Variants in DTHD1 observed in about 807,000 individuals in gnomAD.
DTHD1 encodes death domain containing 1.
A neutral mutation model predicts 74.8 loss-of-function variants in DTHD1; 59 were observed. The observed-to-expected ratio is 0.79, with a 90% CI of 0.64 to 0.98. The LOEUF (loss-of-function observed/expected upper bound fraction) is 0.98. Ranked by LOEUF, DTHD1 falls within the 50% of genes least tolerant of loss-of-function variation. The pLI is 0.00. For missense variants in DTHD1, 1,051 were observed against 1,065.4 expected (o/e 0.99, Z 0.19); for synonymous variants, 365 against 371.1 (o/e 0.98, Z 0.19).
At chr4:36,305,641 A>G (rs1444151432) in intron 5 of DTHD1, among the ~76,000 whole-genome samples, 1 of 152,174 alleles carries the variant, frequency 6.6e-6, no homozygotes, top group Non-Finnish European at 1.5e-5. Context: ...AAACAGACAG[A>G]AAGAAATCAA....
chr4:36,334,399 C>T (rs1277413193), intron 8 of DTHD1, among the ~76,000 whole-genome samples: 2 of 148,504 alleles, frequency 1.3e-5, no homozygotes, highest in Non-Finnish European at 3.0e-5. Context: ...CACTCTGTCA[C>T]CCAGGCTGGA....
At chr4:36,306,420 A>G in intron 6 of DTHD1, 68 bp downstream of exon 6, 1 of 1,393,980 alleles carries the variant, frequency 7.2e-7, no homozygotes, top group Non-Finnish European at 9.5e-7. Flanking sequence ...TGTTTATAGA[A>G]ATGGAATAGT....
At chr4:36,310,364 A>G (rs536466974) in intron 7 of DTHD1, among the ~76,000 whole-genome samples, 1 of 152,236 alleles carries the variant, frequency 6.6e-6, no homozygotes, top group Non-Finnish European at 1.5e-5. Flanking sequence ...GTGGGAATAG[A>G]GAGGAAACGT....
intron 2 of DTHD1, 52 bp downstream of exon 2, chr4:36,284,643 T>G (rs1755598799): frequency 3.8e-6 from 5 of 1,319,334 alleles, no homozygotes; most frequent in Non-Finnish European, 4.0e-6. Context: ...TATATGTGTG[T>G]TTCTATAGTT....
intron 8 of DTHD1, among the ~76,000 whole-genome samples, chr4:36,318,138 C>A (rs1301670850): frequency 6.6e-6 from 1 of 152,168 alleles, no homozygotes; most frequent in African/African-American, 2.4e-5. Flanking sequence ...AAATTTTAGG[C>A]AATTTGCCCA....
chr4:36,321,630 A>G (rs912330442), intron 8 of DTHD1, among the ~76,000 whole-genome samples: 1 of 152,198 alleles, frequency 6.6e-6, no homozygotes, highest in Non-Finnish European at 1.5e-5. Flanking sequence ...TAAAGAGCAC[A>G]ATAAATTTAA....
rs1200664167 is a variant in DTHD1, at chr4:36,343,803, T to A, written c.2700T>A (p.Cys900Ter). 1 of 1,549,166 alleles carries A rather than the reference T, an allele frequency of 6.5e-7. No individual in the cohort carries two copies. The change falls in exon 10 of 10, where the codon TGT (cysteine) becomes TGA (stop). Residue 900 changes from cysteine (C) to a stop codon, truncating the protein, a stop_gained. Transcript: ENST00000639862. LOFTEE classifies it low-confidence loss of function (END_TRUNC). ...ENKVFTEPQQ[C>*]FDVAPE ...AAGTGTTCACTGAACCACAGCAGTG[T>A]TTTGATGTAGCCCCTGAGTAAAAGC...
chr4:36,340,977 G>A (rs1404456908), intron 9 of DTHD1, among the ~76,000 whole-genome samples: 1 of 152,070 alleles, frequency 6.6e-6, no homozygotes, highest in African/African-American at 2.4e-5. Context: ...AAGGAGAGGA[G>A]TAAAATGCTC....
intron 8 of DTHD1, among the ~76,000 whole-genome samples, chr4:36,319,387 T>A (rs1249138959): frequency 2.0e-5 from 3 of 152,224 alleles, no homozygotes; most frequent in African/African-American, 7.2e-5. Flanking sequence ...TTCCGTAGTT[T>A]AGAGCCTGAT....
Position 36,308,364 on chromosome 4 carries a change from G to A in DTHD1, c.1966G>A (p.Asp656Asn), listed in dbSNP as rs868814877. ...RIAVLVVPSK[D>N]LSQVLKDLHL... ...AGCTGTTTTAGTGGTGCCTTCCAAA[G>A]ATTTAAGCCAGGTGCTTAAGGACCT... The change falls in exon 7 of 10, where the codon GAT becomes AAT. Residue 656 changes from aspartate to asparagine, a missense_variant. By Grantham distance (23) the Asp-to-Asn change is conservative. Transcript: ENST00000639862. The A allele has an allele frequency of 6.4e-7, 1 of 1,551,802 alleles. No homozygotes were observed. Among genetic ancestry groups the A allele is most frequent in the Non-Finnish European group, 8.7e-7 (1 of 1,147,022 alleles).
chr4:36,302,979 T>C (rs1578452339), intron 5 of DTHD1, among the ~76,000 whole-genome samples: 2 of 152,226 alleles, frequency 1.3e-5, no homozygotes, highest in East Asian at 3.8e-4. Flanking sequence ...ATGGTTTGAA[T>C]GCTTGTCAAA....
intron 9 of DTHD1, among the ~76,000 whole-genome samples, 176 bp downstream of exon 9, chr4:36,339,345 AACT>A (rs1759190070): frequency 6.6e-6 from 1 of 152,236 alleles, no homozygotes; most frequent in South Asian, 2.1e-4. Context: ...AAATAAACCA[AACT>A]AGCATTCTTA....
intron 8 of DTHD1, among the ~76,000 whole-genome samples, chr4:36,324,472 T>C (rs1758225148): frequency 6.6e-6 from 1 of 152,256 alleles, no homozygotes; most frequent in Admixed American, 6.5e-5. Context: ...TTTGCACTTA[T>C]TCTCTTAAAA....
intron 3 of DTHD1, 94 bp downstream of exon 3, chr4:36,290,797 C>G: frequency 1.0e-6 from 1 of 978,896 alleles, no homozygotes; most frequent in Non-Finnish European, 1.5e-6. Flanking sequence ...TATAATTGCT[C>G]CACTAGTAAT....
chr4:36,339,216 T>A, intron 9 of DTHD1, 47 bp downstream of exon 9: 1 of 1,316,232 alleles, frequency 7.6e-7, no homozygotes. Context: ...CCCCACCCCC[T>A]TATATGTTGT....
chr4:36,319,821 G>A (rs1006968542), intron 8 of DTHD1, among the ~76,000 whole-genome samples: 7 of 152,178 alleles, frequency 4.6e-5, no homozygotes, highest in African/African-American at 1.4e-4. Context: ...CTGTGTTTAC[G>A]ATTGTCCAGT....
chr4:36,297,997 T>C (rs1256528337), intron 5 of DTHD1, among the ~76,000 whole-genome samples: 1 of 151,946 alleles, frequency 6.6e-6, no homozygotes, highest in Non-Finnish European at 1.5e-5. Context: ...AGTGGGAAAG[T>C]GGCTATTTGT....
intron 8 of DTHD1, among the ~76,000 whole-genome samples, chr4:36,321,384 A>T (rs191520372): frequency 1.3e-5 from 2 of 152,270 alleles, no homozygotes. Context: ...TTCCTATCAG[A>T]TCAGTGGCGG....
At chr4:36,303,394 A>C (rs536464981) in intron 5 of DTHD1, among the ~76,000 whole-genome samples, 1 of 152,352 alleles carries the variant, frequency 6.6e-6, no homozygotes, top group Admixed American at 6.5e-5. Flanking sequence ...TAGGAAAGCC[A>C]ATCCAAAGTG....
Sources: allele counts gnomAD v4.1 joint callset (sites outside exome capture counted in the v4.1 genomes callset), GRCh38; gene constraint gnomAD v4.1.1; transcripts MANE v1.5; gene names NCBI Gene and HGNC (gene_info 2026-07-23, HGNC 2026-07-21).